CPA6: variants seen among roughly 807,000 people sequenced by gnomAD.
The protein encoded by CPA6 is carboxypeptidase A6.
A neutral mutation model predicts 63.3 loss-of-function variants in CPA6; 58 were observed. The ratio of observed to expected loss-of-function variants is 0.92; its 90% CI spans 0.74 to 1.14. The LOEUF (loss-of-function observed/expected upper bound fraction) is 1.14, where lower values mean the gene tolerates loss of function less well. CPA6 is among the 50% of genes most tolerant of loss of function. The probability of loss-of-function intolerance (pLI) is 0.00; values close to 1 mark genes in which losing one functional copy is unlikely to be tolerated. For missense variants in CPA6, 565 were observed against 526.6 expected (o/e 1.07, Z -0.71); for synonymous variants, 185 against 179.0 (o/e 1.03, Z -0.27).
At chr8:67,667,730 A>G (rs1352049336) in intron 1 of CPA6, among the ~76,000 whole-genome samples, 1 of 152,192 alleles carries the variant, frequency 6.6e-6, no homozygotes, top group Non-Finnish European at 1.5e-5. Flanking sequence ...TTTAATCTCA[A>G]CTGAATACAA....
chr8:67,723,001 A>C (rs917462992), intron 1 of CPA6, among the ~76,000 whole-genome samples: 3 of 151,998 alleles, frequency 2.0e-5, no homozygotes, highest in Non-Finnish European at 4.4e-5. Flanking sequence ...CTACACTCTA[A>C]AAATCAGCAC....
At chr8:67,493,394 C>G (rs73262695) in intron 6 of CPA6, among the ~76,000 whole-genome samples, 1 of 152,048 alleles carries the variant, frequency 6.6e-6, no homozygotes, top group African/African-American at 2.4e-5. Context: ...GAGCCTTCCC[C>G]TTCTGGAAAG....
At chr8:67,720,519 A>G (rs185142260) in intron 1 of CPA6, among the ~76,000 whole-genome samples, 9 of 152,068 alleles carry the variant, frequency 5.9e-5, no homozygotes, top group African/African-American at 2.2e-4. Flanking sequence ...CAGCGCTCAC[A>G]GACACTGAGC....
At position 67,562,373 on chromosome 8, in the gene CPA6, C is replaced by T. The variant is rs141727267; in HGVS notation, c.193-44326G>A. ...TTTTTCCAGTTTTGGTTAAGATTTG[C>T]GCCCTTCCTGGCCCTGACAGAATGT... On this transcript the variant is annotated intron_variant, in intron 2 of 10. Transcript: ENST00000297770. Among the ~76,000 whole-genome samples, 41 of 152,264 alleles carry T rather than the reference C, an allele frequency of 2.7e-4. No homozygotes were observed. The East Asian group carries it at 3.3e-3, about 12-fold the overall frequency.
intron 1 of CPA6, among the ~76,000 whole-genome samples, chr8:67,642,857 A>G (rs1815626633): frequency 1.3e-5 from 2 of 151,836 alleles, no homozygotes; most frequent in Admixed American, 6.6e-5. Context: ...ATTCAACTGA[A>G]AGGCAAAACC....
At chr8:67,665,894 T>C (rs1816216156) in intron 1 of CPA6, among the ~76,000 whole-genome samples, 1 of 152,228 alleles carries the variant, frequency 6.6e-6, no homozygotes, top group Non-Finnish European at 1.5e-5. Context: ...ATTAGATGAA[T>C]TAAGGGTAAA....
In CPA6 at chr8:67,583,015, G is replaced by A. The variant is rs571147505; in HGVS notation, c.192+41161C>T. On this transcript the variant is annotated intron_variant, in intron 2 of 10. Coordinates refer to ENST00000297770, the MANE Select transcript of CPA6 (RefSeq NM_020361.5). Reference sequence around the variant, plus strand: ...GCTACTGAGAAGTACCCTGAAACATGAGGATCAAGTATTGATATCTGGGTG... The same window carrying A: ...GCTACTGAGAAGTACCCTGAAACATAAGGATCAAGTATTGATATCTGGGTG... Among the ~76,000 whole-genome samples the A allele has an allele frequency of 2.6e-5, 4 of 152,266 alleles. No homozygotes were observed. In the South Asian group the frequency reaches 8.3e-4, roughly 32 times the overall value.
At chr8:67,582,548 C>CTATGAA (rs1042425086) in intron 2 of CPA6, among the ~76,000 whole-genome samples, 3 of 152,286 alleles carry the variant, frequency 2.0e-5, no homozygotes, top group South Asian at 2.1e-4. Context: ...TAATGCATGG[C>CTATGAA]TATGAATAGC....
chr8:67,693,677 C>A (rs1816857249), intron 1 of CPA6, among the ~76,000 whole-genome samples: 1 of 152,212 alleles, frequency 6.6e-6, no homozygotes, highest in Admixed American at 6.5e-5. Context: ...AAGACTGCCA[C>A]CTATGAACAA....
chr8:67,702,346 G>C (rs891299174), intron 1 of CPA6, among the ~76,000 whole-genome samples: 2 of 152,046 alleles, frequency 1.3e-5, no homozygotes, highest in African/African-American at 4.8e-5. Context: ...GAAACTTAAG[G>C]TCCTCATGAT....
chr8:67,556,377 C>A (rs779834827), intron 2 of CPA6, among the ~76,000 whole-genome samples: 1 of 152,168 alleles, frequency 6.6e-6, no homozygotes, highest in Non-Finnish European at 1.5e-5. Flanking sequence ...TGGCTACCTG[C>A]AGAAGAAGCT....
At chr8:67,433,958 T>C in intron 9 of CPA6, 80 bp downstream of exon 9, 2 of 903,864 alleles carry the variant, frequency 2.2e-6, no homozygotes, top group Non-Finnish European at 3.6e-6. Context: ...TGTTTGCCAT[T>C]ATCATTAGTA....
chr8:67,511,413 T>G (rs1457823080), intron 4 of CPA6, 128 bp downstream of exon 4: 1 of 642,118 alleles, frequency 1.6e-6, no homozygotes, highest in East Asian at 2.5e-5. Context: ...ACATATATTC[T>G]TCACATAGTA....
intron 8 of CPA6, among the ~76,000 whole-genome samples, chr8:67,447,178 G>A (rs979664706): frequency 2.0e-5 from 3 of 150,586 alleles, no homozygotes; most frequent in South Asian, 2.1e-4. Flanking sequence ...GATCATAATC[G>A]TACAATTTTT....
intron 8 of CPA6, among the ~76,000 whole-genome samples, chr8:67,477,867 T>A (rs989021770): frequency 1.3e-5 from 2 of 152,256 alleles, no homozygotes; most frequent in Non-Finnish European, 2.9e-5. Flanking sequence ...ACTCAGCACT[T>A]CATCACATCC....
intron 2 of CPA6, among the ~76,000 whole-genome samples, chr8:67,559,383 G>A (rs759107772): frequency 2.2e-4 from 34 of 151,990 alleles, no homozygotes; most frequent in Non-Finnish European, 4.9e-4. Context: ...GAGACTAGGT[G>A]GAAGAAAAGT....
At chr8:67,595,943 G>A (rs976365176) in intron 2 of CPA6, among the ~76,000 whole-genome samples, 2 of 152,328 alleles carry the variant, frequency 1.3e-5, no homozygotes, top group East Asian at 3.9e-4. Context: ...CAGTACCTCA[G>A]ATGGAAATGC....
At chr8:67,610,021 CAACAAAACAAAACAAAACAA>C (rs112893898) in intron 2 of CPA6, among the ~76,000 whole-genome samples, 2 of 149,062 alleles carry the variant, frequency 1.3e-5, no homozygotes, top group East Asian at 2.0e-4. Flanking sequence ...GACTCCGTCT[CAACAAAACAAAACAAAACAA>C]AACAAAACAA....
At chr8:67,607,760 T>C (rs531818340) in intron 2 of CPA6, among the ~76,000 whole-genome samples, 1 of 152,302 alleles carries the variant, frequency 6.6e-6, no homozygotes, top group East Asian at 1.9e-4. Context: ...TCTTTCCACA[T>C]TGTGATATCT....
Sources: allele counts gnomAD v4.1 joint callset (sites outside exome capture counted in the v4.1 genomes callset), GRCh38; gene constraint gnomAD v4.1.1; transcripts MANE v1.5; gene names NCBI Gene and HGNC (gene_info 2026-07-23, HGNC 2026-07-21).